Variants in CDYL observed in about 807,000 individuals in gnomAD.
CDYL encodes the protein chromodomain Y-like protein.
CDYL carries 8 observed loss-of-function variants against 47.3 expected under a neutral mutation model. The ratio of observed to expected loss-of-function variants is 0.17; its 90% CI spans 0.10 to 0.31. The LOEUF (loss-of-function observed/expected upper bound fraction) is 0.31, where lower values mean the gene tolerates loss of function less well. CDYL is among the 10% of genes least tolerant of loss of function. CDYL has a pLI of 1.00. For synonymous variants in CDYL, 266 were observed against 265.0 expected, an observed-to-expected ratio of 1.00 and a Z score of -0.04; for missense variants, 471 against 701.4, an observed-to-expected ratio of 0.67 and a Z score of 3.71.
chr6:4,895,377 GTATATATGTGCATATATGCATGTATA>G (rs1182570464), intron 2 of CDYL, among the ~76,000 whole-genome samples: 1 of 103,410 alleles, frequency 9.7e-6, no homozygotes, highest in African/African-American at 4.9e-5. Flanking sequence ...ATGCATGTAT[GTATATATGTGCATATATGCATGTATA>G]CATGTATACG....
chr6:4,900,696 G>T (rs941014485), intron 2 of CDYL, among the ~76,000 whole-genome samples: 2 of 146,738 alleles, frequency 1.4e-5, no homozygotes, highest in Admixed American at 6.9e-5. Context: ...CTATCTCATT[G>T]TTTTAATTTT....
At chr6:4,745,761 T>C (rs1381289609) in intron 3 of CDYL, among the ~76,000 whole-genome samples, 1 of 152,030 alleles carries the variant, frequency 6.6e-6, no homozygotes. Flanking sequence ...GCTGGTCTCA[T>C]GGGGAAGTGA....
intron 2 of CDYL, among the ~76,000 whole-genome samples, chr6:4,909,084 G>A (rs970289224): frequency 6.6e-6 from 1 of 152,208 alleles, no homozygotes; most frequent in African/African-American, 2.4e-5. Flanking sequence ...ATAAGATGGT[G>A]TTCTCTGTAT....
At chr6:4,836,361 A>T (rs928347907) in intron 1 of CDYL, 1 of 620,172 alleles carries the variant, frequency 1.6e-6, no homozygotes, top group African/African-American at 2.0e-5. Context: ...CCAACCCCCT[A>T]GAGGAGTTGG....
At chr6:4,836,262 C>G in intron 1 of CDYL, 2 of 984,632 alleles carry the variant, frequency 2.0e-6, no homozygotes, top group South Asian at 9.4e-5. Context: ...GCCACAAATG[C>G]TACCCAAAAC....
rs374235233 is a variant in CDYL at position 4,814,594 on chromosome 6, GC to G, written c.24+37788del. 5.8e-3 allele frequency among the ~76,000 whole-genome samples: 887 copies of G among 152,176 alleles called. 8 individuals are homozygous for G. The highest frequency in any genetic ancestry group is 0.02 in the African/African-American group (851 of 41,526). ...GCTGGAGTCCAGTGGTGCAGTCCTG[GC>G]TCATACTGCAGCCTCCACCTCCAAG... On this transcript the variant is annotated intron_variant, in intron 1 of 6. Transcript: ENST00000397588.
intron 1 of CDYL, among the ~76,000 whole-genome samples, chr6:4,857,289 C>A (rs1388385225): frequency 6.6e-6 from 1 of 152,160 alleles, no homozygotes; most frequent in Non-Finnish European, 1.5e-5. Flanking sequence ...CATTGAGACA[C>A]CCTTCCCAAA....
At chr6:4,715,880 C>T (rs757533749) in exon 2 of CDYL, 172 of 1,613,446 alleles carry the variant, frequency 1.1e-4, no homozygotes, top group East Asian at 2.7e-4. Flanking sequence ...AGAGAAACAA[C>T]GGTAAGAACT....
chr6:4,735,023 A>G (rs1297063249), intron 3 of CDYL, among the ~76,000 whole-genome samples: 2 of 152,200 alleles, frequency 1.3e-5, no homozygotes, highest in Admixed American at 6.5e-5. Flanking sequence ...ACAGTGGCTC[A>G]TGCCTGTAAT....
chr6:4,780,520 T>C (rs1173771501), intron 1 of CDYL, among the ~76,000 whole-genome samples: 1 of 151,126 alleles, frequency 6.6e-6, no homozygotes, highest in Non-Finnish European at 1.5e-5. Flanking sequence ...CCGCCCACCT[T>C]GGCCTCCCAA....
chr6:4,786,745 C>T (rs186819069), intron 1 of CDYL, among the ~76,000 whole-genome samples: 197 of 152,268 alleles, frequency 1.3e-3, no homozygotes, highest in Admixed American at 2.8e-3. Context: ...GACCAATCTG[C>T]TTCATAACTC....
intron 1 of CDYL, among the ~76,000 whole-genome samples, chr6:4,783,922 G>A (rs559123995): frequency 1.3e-5 from 2 of 152,272 alleles, no homozygotes; most frequent in East Asian, 1.9e-4. Context: ...GATTTGGCCA[G>A]TTTGTCTTCA....
chr6:4,954,122 C>T lies in CDYL; in HGVS notation c.*66C>T, dbSNP rs17139035. 1.3e-6 allele frequency: 2 copies of T among 1,518,348 alleles called. No homozygotes were observed. Among genetic ancestry groups the T allele is most frequent in the East Asian group, 4.6e-5 (2 of 43,438 alleles). 94.1% of individuals were successfully genotyped at this position (1,518,348 alleles called of 1,614,324 possible). ...CAGGAGAACATCACCGGCTCCAGTTCCCCTGATCCATTCTCACAGCCTGAA... is the reference window on the plus strand; with the variant it reads ...CAGGAGAACATCACCGGCTCCAGTTTCCCTGATCCATTCTCACAGCCTGAA... On this transcript the variant is annotated 3_prime_UTR_variant, in exon 7 of 7. Transcript: ENST00000397588.
intron 1 of CDYL, among the ~76,000 whole-genome samples, chr6:4,805,381 G>A (rs938074468): frequency 6.6e-6 from 1 of 152,222 alleles, no homozygotes; most frequent in Non-Finnish European, 1.5e-5. Flanking sequence ...TACCATCAGG[G>A]CTCAGAGCCA....
At chr6:4,937,221 T>G (rs1029464219) in intron 3 of CDYL, among the ~76,000 whole-genome samples, 1 of 151,992 alleles carries the variant, frequency 6.6e-6, no homozygotes, top group African/African-American at 2.4e-5. Context: ...GAGCCAGGCA[T>G]GATGGCACAA....
intron 1 of CDYL, among the ~76,000 whole-genome samples, chr6:4,841,024 G>T (rs1439380442): frequency 6.6e-6 from 1 of 152,118 alleles, no homozygotes; most frequent in Non-Finnish European, 1.5e-5. Flanking sequence ...AAATTCAGCT[G>T]TGAATCCATC....
chr6:4,810,864 A>T (rs1032347479), intron 1 of CDYL, among the ~76,000 whole-genome samples: 1 of 152,248 alleles, frequency 6.6e-6, no homozygotes, highest in Admixed American at 6.5e-5. Flanking sequence ...GTTATTTCTC[A>T]AAAGTCTAAC....
At chr6:4,905,184 A>T (rs2127496604) in intron 2 of CDYL, among the ~76,000 whole-genome samples, 1 of 152,258 alleles carries the variant, frequency 6.6e-6, no homozygotes, top group African/African-American at 2.4e-5. Context: ...CGTGACTAGG[A>T]TGCTGACACA....
chr6:4,883,552 C>T (rs1761820905), intron 1 of CDYL, among the ~76,000 whole-genome samples: 1 of 152,334 alleles, frequency 6.6e-6, no homozygotes, highest in Non-Finnish European at 1.5e-5. Flanking sequence ...ATGAGTGCCA[C>T]CTGACTGGTG....
Sources: allele counts gnomAD v4.1 joint callset (sites outside exome capture counted in the v4.1 genomes callset), GRCh38; gene constraint gnomAD v4.1.1; transcripts MANE v1.5; gene names NCBI Gene and HGNC (gene_info 2026-07-23, HGNC 2026-07-21).